Variants in DSE observed in about 807,000 individuals in gnomAD.
DSE encodes dermatan-sulfate epimerase.
In DSE, 36 loss-of-function variants were observed where a neutral mutation model predicts 84.4. The observed-to-expected ratio is 0.43, with a 90% CI of 0.33 to 0.56. The LOEUF (loss-of-function observed/expected upper bound fraction) is 0.56. Ranked by LOEUF, DSE falls within the 20% of genes least tolerant of loss-of-function variation. The probability of loss-of-function intolerance (pLI) is 0.06; values close to 1 mark genes in which losing one functional copy is unlikely to be tolerated. For missense variants in DSE, 862 were observed against 1,169.6 expected (o/e 0.74, Z 3.84); for synonymous variants, 410 against 430.1 (o/e 0.95, Z 0.58).
chr6:116,283,730 G>A (rs1046940879), intron 2 of DSE, among the ~76,000 whole-genome samples: 1 of 152,204 alleles, frequency 6.6e-6, no homozygotes, highest in East Asian at 1.9e-4. Flanking sequence ...TTTTAGTAGA[G>A]AAGGGGTTTC....
chr6:116,320,423 C>G (rs1298040010), intron 2 of DSE, among the ~76,000 whole-genome samples: 2 of 150,990 alleles, frequency 1.3e-5, no homozygotes, highest in African/African-American at 4.9e-5. Context: ...AGATAAAGAA[C>G]TTATTAGATA....
At chr6:116,366,310 A>C (rs1779162271), upstream of DSE, 1 of 152,202 alleles carries the variant, frequency 6.6e-6, no homozygotes, top group South Asian at 2.1e-4. Flanking sequence ...TGGTATCTAG[A>C]CTGGGACACA....
rs897643619 is a variant in DSE, at chr6:116,295,234, C to T, written c.-54+36267C>T. 7.2e-5 allele frequency among the ~76,000 whole-genome samples: 11 copies of T among 152,116 alleles called. No homozygotes were observed. The South Asian group carries it at 2.3e-3, about 32-fold the overall frequency. On this transcript the variant is annotated intron_variant, in intron 2 of 3. Coordinates refer to the DSE transcript ENST00000430252. ...AGGAGAAGATGGGAGGAGATAGGTT[C>T]AGGGAACAGCCTAGGCAAAGGTGTG...
chr6:116,284,423 A>C (rs1773740203), intron 2 of DSE, among the ~76,000 whole-genome samples: 1 of 152,216 alleles, frequency 6.6e-6, no homozygotes, highest in South Asian at 2.1e-4. Flanking sequence ...CCAAAATGGT[A>C]CAGAAAGTAA....
chr6:116,418,844 A>T (rs1349049220), intron 2 of DSE, among the ~76,000 whole-genome samples: 1 of 152,178 alleles, frequency 6.6e-6, no homozygotes, highest in East Asian at 1.9e-4. Context: ...TGTGGCTCTG[A>T]ACAAGTAATC....
intron 2 of DSE, chr6:116,280,191 G>A (rs1244150162): frequency 5.3e-6 from 2 of 376,702 alleles, no homozygotes; most frequent in Non-Finnish European, 1.0e-5. Flanking sequence ...AATCACAGCC[G>A]TAACAGTGCC....
intron 4 of DSE, among the ~76,000 whole-genome samples, chr6:116,432,097 A>G (rs1180063126): frequency 2.6e-5 from 4 of 152,238 alleles, no homozygotes; most frequent in Non-Finnish European, 5.9e-5. Flanking sequence ...CTTACATTCA[A>G]AAAAATACTG....
At chr6:116,258,391 A>G (rs1443418043) in intron 1 of DSE, 1 of 672,160 alleles carries the variant, frequency 1.5e-6, no homozygotes, top group African/African-American at 1.8e-5. Flanking sequence ...CAACATGCAC[A>G]TTTTTTAAAG....
At position 116,405,123 on chromosome 6, in the gene DSE, A is replaced by G. The variant is rs575447823; in HGVS notation, c.416+5457A>G. 4.6e-5 allele frequency among the ~76,000 whole-genome samples: 7 copies of G among 152,266 alleles called. No individual in the cohort carries two copies. In the South Asian group the frequency reaches 1.5e-3, roughly 32 times the overall value. ...ATATAAAGAGAGAAAAAAGGTCTCT[A>G]GCATATTGAAATGAACCAGTTTCAT... On this transcript the variant is annotated intron_variant, in intron 2 of 5. Transcript: ENST00000644252.
In DSE at chr6:116,357,375, A is replaced by G. The variant is rs548739432; in HGVS notation, c.-53-41823A>G. ...GTGAAACCCCGTCTCTACTAAAAATACAAAAAATTAGCCGGGCATGGTAGT... is the reference window on the plus strand; with the variant it reads ...GTGAAACCCCGTCTCTACTAAAAATGCAAAAAATTAGCCGGGCATGGTAGT... On this transcript the variant is annotated intron_variant, in intron 2 of 3. Transcript: ENST00000430252. Among the ~76,000 whole-genome samples, 200 of 152,228 alleles carry G rather than the reference A, an allele frequency of 1.3e-3. 1 individual carries two copies. Among genetic ancestry groups the G allele is most frequent in the South Asian group, 2.5e-3 (12 of 4,816 alleles).
rs926200121 is a variant in DSE, at chr6:116,442,599, G to C, written c.*5254G>C. ...GCAAACCTGGTTCAGGAATTCTCCA[G>C]ACTGGTGGTGTTGGCCCACAGGGTG... On this transcript the variant is annotated 3_prime_UTR_variant, in exon 6 of 6. Transcript: ENST00000644252. The C allele has an allele frequency of 5.9e-5, 9 of 152,400 alleles. No homozygotes were observed. Among genetic ancestry groups the C allele is most frequent in the Non-Finnish European group, 1.3e-4 (9 of 68,100 alleles). The allele number at this position is 152,400 out of a possible 1,614,324, so 9.4% of individuals were successfully genotyped here. A position where few individuals can be genotyped will look rare whatever the true frequency, so the allele number is the denominator to read the frequency against.
At position 116,436,901 on chromosome 6, in the gene DSE, G is replaced by T. The variant is rs766690715; in HGVS notation, c.2433G>T (p.Arg811Ser). 1 of 1,614,024 alleles carries T rather than the reference G, an allele frequency of 6.2e-7. No homozygotes were observed. Among genetic ancestry groups the T allele is most frequent in the Non-Finnish European group, 8.5e-7 (1 of 1,180,006 alleles). ...AAAGCAAGTCAAAGAAAAACCGAAGGGCAGGCAAACGCTATAAATTTGTGG... is the reference window on the plus strand; with the variant it reads ...AAAGCAAGTCAAAGAAAAACCGAAGTGCAGGCAAACGCTATAAATTTGTGG... ...QQQSKSKKNR[R>S]AGKRYKFVDA... Residue 811 changes from arginine (R) to serine (S), a missense_variant, in exon 6 of 6, where the codon AGG becomes AGT. Around this residue, in one of 4 missense-constraint regions of DSE, gnomAD observed 315 missense variants for 348.1 expected, o/e 0.90. Coordinates refer to ENST00000644252, the MANE Select transcript of DSE (RefSeq NM_013352.4).
Position 116,278,701 on chromosome 6 carries a change from A to C in DSE, c.-54+19734A>C. On this transcript the variant is annotated intron_variant, in intron 2 of 3. Transcript: ENST00000430252. The stretch of plus-strand genomic sequence containing the variant: ...GCTGTGGTCTGAAAACCAAGTGAAG[A>C]AGCTGCAGATGAGGTCTTGGTTTCT... 6.2e-7 allele frequency: 1 copy of C among 1,614,160 alleles called. No individual in the cohort carries two copies. Among genetic ancestry groups the C allele is most frequent in the Non-Finnish European group, 8.5e-7 (1 of 1,180,018 alleles).
At chr6:116,419,647 T>C (rs1350915712) in intron 2 of DSE, among the ~76,000 whole-genome samples, 1 of 152,256 alleles carries the variant, frequency 6.6e-6, no homozygotes, top group African/African-American at 2.4e-5. Context: ...GGTGGTGCAC[T>C]ACCCTGGTAC....
chr6:116,362,013 C>A (rs1041660361), intron 2 of DSE, among the ~76,000 whole-genome samples: 5 of 151,898 alleles, frequency 3.3e-5, no homozygotes, highest in African/African-American at 1.2e-4. Flanking sequence ...AAATATATAC[C>A]GTTTTAGACT....
intron 2 of DSE, among the ~76,000 whole-genome samples, chr6:116,309,579 G>A (rs561143141): frequency 3.3e-5 from 5 of 152,290 alleles, no homozygotes; most frequent in Admixed American, 3.3e-4. Flanking sequence ...TGTTTGTGCT[G>A]CTACAACAAA....
At chr6:116,411,095 A>G (rs563249279) in intron 2 of DSE, among the ~76,000 whole-genome samples, 1 of 152,142 alleles carries the variant, frequency 6.6e-6, no homozygotes, top group African/African-American at 2.4e-5. Context: ...ATATCTCTCA[A>G]GCTTTATTTT....
At chr6:116,365,778 C>A (rs982933911), upstream of DSE, among the ~76,000 whole-genome samples, 1 of 152,086 alleles carries the variant, frequency 6.6e-6, no homozygotes, top group African/African-American at 2.4e-5. Context: ...TAATATGCAC[C>A]CAGGGGTTAG....
At chr6:116,259,362 A>G (rs1240179851) in intron 2 of DSE, 6 of 394,830 alleles carry the variant, frequency 1.5e-5, no homozygotes, top group Non-Finnish European at 2.8e-5. Flanking sequence ...ATATAGGTGT[A>G]TGGTACTAGA....
Sources: allele counts gnomAD v4.1 joint callset (sites outside exome capture counted in the v4.1 genomes callset), GRCh38; gene constraint gnomAD v4.1.1; regional missense constraint gnomAD v4.1.1; transcripts MANE v1.5; gene names NCBI Gene and HGNC (gene_info 2026-07-23, HGNC 2026-07-21).